The following COL4A5 variants were observed in gnomAD, a reference collection of about 807,000 sequenced individuals.
COL4A5 encodes collagen alpha-5(IV) chain.
A neutral mutation model predicts 130.2 loss-of-function variants in COL4A5; 26 were observed. The observed-to-expected ratio is 0.20, with a 90% CI of 0.15 to 0.28. The LOEUF (loss-of-function observed/expected upper bound fraction) is 0.28, where lower values mean the gene tolerates loss of function less well. COL4A5 is among the 10% of genes least tolerant of loss of function. The probability of loss-of-function intolerance (pLI) is 1.00; values close to 1 mark genes in which losing one functional copy is unlikely to be tolerated. For synonymous variants in COL4A5, 496 were observed against 439.6 expected (o/e 1.13, Z -1.60); for missense variants, 1,131 against 1,344.3 (o/e 0.84, Z 2.48).
Position 108,601,424 on chromosome X carries a change from C to G in COL4A5, c.1980C>G (p.Thr660=), listed in dbSNP as rs1318687614. 9.1e-6 allele frequency: 11 copies of G among 1,208,733 alleles called. No individual in the cohort carries two copies. Among genetic ancestry groups the G allele is most frequent in the Non-Finnish European group, 1.2e-5 (11 of 894,120 alleles). ...GPKGDPGQTI[T]QPGKPGLPGN... is the part of the protein sequence containing the mutation. ...AAGGGGATCCAGGTCAGACTATAAC[C>G]CAGCCGGGGAAGCCTGGCTTGCCTG... Residue 660 remains threonine (T), a synonymous_variant, in exon 26 of 53, where the codon ACC becomes ACG. Transcript: ENST00000328300.
chrX:108,477,616 C>T (rs1188412609), intron 1 of COL4A5, among the ~76,000 whole-genome samples: 1 of 109,628 alleles, frequency 9.1e-6, no homozygotes, highest in Non-Finnish European at 1.9e-5. Context: ...GAGTTCGAGA[C>T]CAGCCTGGCC....
chrX:108,618,569 A>G (rs763841735), intron 30 of COL4A5, among the ~76,000 whole-genome samples: 2 of 111,986 alleles, frequency 1.8e-5, no homozygotes, highest in East Asian at 5.6e-4. Flanking sequence ...TGGCAAATAC[A>G]TTTCATTTAT....
intron 1 of COL4A5, among the ~76,000 whole-genome samples, chrX:108,523,762 C>G (rs1201776679): frequency 8.9e-6 from 1 of 111,738 alleles, no homozygotes; most frequent in African/African-American, 3.3e-5. Flanking sequence ...TAGGTTTTCT[C>G]TAAATTCTGT....
intron 36 of COL4A5, among the ~76,000 whole-genome samples, chrX:108,642,463 T>C (rs1191392702): frequency 1.8e-5 from 2 of 110,798 alleles, no homozygotes; most frequent in Middle Eastern, 4.7e-3. Context: ...CCACCAAAGA[T>C]AAGAACCCTC....
At chrX:108,496,049 A>G (rs995326868) in intron 1 of COL4A5, among the ~76,000 whole-genome samples, 3 of 112,225 alleles carry the variant, frequency 2.7e-5, no homozygotes, top group African/African-American at 9.7e-5. Context: ...GGAACAGACA[A>G]TCGGGATATG....
chrX:108,490,658 CTTATT>C (rs898032059), intron 1 of COL4A5, among the ~76,000 whole-genome samples: 5 of 110,629 alleles, frequency 4.5e-5, no homozygotes, highest in African/African-American at 1.3e-4. Flanking sequence ...AAAAATTTAT[CTTATT>C]TTAGGTTTGG....
chrX:108,602,636 C>G, intron 27 of COL4A5, among the ~76,000 whole-genome samples: 1 of 112,178 alleles, frequency 8.9e-6, no homozygotes, highest in South Asian at 3.7e-4. Context: ...CTTTGTCATA[C>G]TACATCCAGA....
chrX:108,496,236 C>A (rs771059789), intron 1 of COL4A5, among the ~76,000 whole-genome samples: 1 of 111,063 alleles, frequency 9.0e-6, no homozygotes, highest in Non-Finnish European at 1.9e-5. Flanking sequence ...AGCTACACAC[C>A]ACTCATTTTT....
At chrX:108,566,703 A>C (rs1318855817) in intron 4 of COL4A5, among the ~76,000 whole-genome samples, 1 of 110,224 alleles carries the variant, frequency 9.1e-6, no homozygotes, top group Non-Finnish European at 1.9e-5. Flanking sequence ...CGTCCACCAC[A>C]ACGCCCGGCT....
intron 1 of COL4A5, among the ~76,000 whole-genome samples, chrX:108,532,074 C>T (rs1034275504): frequency 1.8e-5 from 2 of 111,521 alleles, no homozygotes; most frequent in African/African-American, 3.3e-5. Flanking sequence ...GAAATTCTCC[C>T]TAATTCATTC....
At chrX:108,624,968 C>T (rs923133443) in intron 34 of COL4A5, among the ~76,000 whole-genome samples, 7 of 111,706 alleles carry the variant, frequency 6.3e-5, no homozygotes, top group South Asian at 3.7e-4. Context: ...CAGTTATTTG[C>T]GCTAGACTCC....
At chrX:108,660,586 A>T (rs1297334867) in intron 37 of COL4A5, among the ~76,000 whole-genome samples, 2 of 111,389 alleles carry the variant, frequency 1.8e-5, no homozygotes, top group Admixed American at 1.9e-4. Flanking sequence ...ATTTTTCCTG[A>T]TAATAACACA....
chrX:108,574,892 A>G (rs2066119778), intron 9 of COL4A5, among the ~76,000 whole-genome samples: 1 of 110,782 alleles, frequency 9.0e-6, no homozygotes, highest in Non-Finnish European at 1.9e-5. Context: ...GGCTTAAGCA[A>G]TCCTCCCACC....
chrX:108,595,321 G>C (rs974124415), intron 21 of COL4A5, among the ~76,000 whole-genome samples, 188 bp from the exon 22 acceptor site: 2 of 111,926 alleles, frequency 1.8e-5, no homozygotes, highest in East Asian at 5.6e-4. Flanking sequence ...CAAGCATCTG[G>C]AACAGTTCTT....
chrX:108,654,524 T>C (rs1243363997), intron 36 of COL4A5, among the ~76,000 whole-genome samples: 2 of 112,725 alleles, frequency 1.8e-5, no homozygotes, highest in Non-Finnish European at 1.9e-5. Flanking sequence ...CGGCTCAATA[T>C]AGCCTTGACC....
intron 30 of COL4A5, among the ~76,000 whole-genome samples, chrX:108,615,684 G>T (rs1186583305): frequency 9.0e-6 from 1 of 111,597 alleles, no homozygotes. Flanking sequence ...TCTGGATTCT[G>T]AGCTGTCTGG....
chrX:108,631,312 G>A (rs1200505615), intron 36 of COL4A5, among the ~76,000 whole-genome samples: 1 of 111,545 alleles, frequency 9.0e-6, no homozygotes. Flanking sequence ...CTATTTGTTT[G>A]TGTCCTCTTT....
Sources: allele counts gnomAD v4.1 joint callset (sites outside exome capture counted in the v4.1 genomes callset), GRCh38; gene constraint gnomAD v4.1.1; transcripts MANE v1.5; gene names NCBI Gene and HGNC (gene_info 2026-07-23, HGNC 2026-07-21).